MEGF11: variants seen among roughly 807,000 people sequenced by gnomAD.
MEGF11 encodes multiple EGF like domains 11, also known as multiple epidermal growth factor-like domains protein 11.
In MEGF11, 126 loss-of-function variants were observed where a neutral mutation model predicts 146.6. That is an observed-to-expected ratio of 0.86 (90% confidence interval 0.74 to 1.00). The LOEUF is 1.00. MEGF11 is among the 50% of genes least tolerant of loss of function. The probability of loss-of-function intolerance (pLI) is 0.00; values close to 1 mark genes in which losing one functional copy is unlikely to be tolerated. For synonymous variants in MEGF11, 532 were observed against 583.4 expected (o/e 0.91, Z 1.27); for missense variants, 1,509 against 1,521.2 (o/e 0.99, Z 0.13).
At chr15:66,177,611 G>A (rs936242435) in intron 1 of MEGF11, among the ~76,000 whole-genome samples, 4 of 151,072 alleles carry the variant, frequency 2.6e-5, no homozygotes, top group Non-Finnish European at 4.4e-5. Context: ...TGTAAGTATC[G>A]TGAGCTCCAA....
intron 5 of MEGF11, among the ~76,000 whole-genome samples, chr15:66,038,411 A>G (rs952597786): frequency 6.6e-6 from 1 of 152,098 alleles, no homozygotes; most frequent in Non-Finnish European, 1.5e-5. Context: ...TGGTTAAGGG[A>G]GCGATGCCCT....
chr15:65,948,171 TGCTGTGGGTACAGGAA>T (rs1272679525), intron 10 of MEGF11, among the ~76,000 whole-genome samples: 1 of 151,792 alleles, frequency 6.6e-6, no homozygotes, highest in Non-Finnish European at 1.5e-5. Flanking sequence ...AGTACGTGTC[TGCTGTGGGTACAGGAA>T]GCTCATGAGA....
chr15:66,110,538 G>A (rs568804946), intron 4 of MEGF11, among the ~76,000 whole-genome samples: 20 of 152,222 alleles, frequency 1.3e-4, no homozygotes, highest in South Asian at 1.0e-3. Flanking sequence ...CATCTCTCCC[G>A]CTAGACCATG....
intron 4 of MEGF11, among the ~76,000 whole-genome samples, chr15:66,095,572 C>T (rs1267749476): frequency 2.0e-5 from 3 of 152,226 alleles, no homozygotes; most frequent in African/African-American, 7.2e-5. Flanking sequence ...TGGGAAGATG[C>T]TGTTGGGTTA....
chr15:66,053,397 A>G (rs1243524338), intron 5 of MEGF11, among the ~76,000 whole-genome samples: 1 of 152,184 alleles, frequency 6.6e-6, no homozygotes, highest in Non-Finnish European at 1.5e-5. Flanking sequence ...TAGATTTCTC[A>G]TGCTGTTAGT....
chr15:65,967,754 G>C (rs531652652), intron 8 of MEGF11, among the ~76,000 whole-genome samples: 1 of 152,284 alleles, frequency 6.6e-6, no homozygotes, highest in East Asian at 1.9e-4. Context: ...GTCTGGCCTT[G>C]AGTGCTTCCT....
intron 5 of MEGF11, among the ~76,000 whole-genome samples, chr15:65,985,095 G>A (rs2081807107): frequency 6.6e-6 from 1 of 152,182 alleles, no homozygotes; most frequent in South Asian, 2.1e-4. Flanking sequence ...AAAGCTGCCT[G>A]TGTGCCAGGC....
At chr15:66,140,878 G>A (rs1334291912) in intron 1 of MEGF11, among the ~76,000 whole-genome samples, 2 of 152,116 alleles carry the variant, frequency 1.3e-5, no homozygotes, top group African/African-American at 2.4e-5. Flanking sequence ...TGCCATATTC[G>A]GGGACTTGCG....
chr15:66,119,306 C>A, intron 3 of MEGF11, 120 bp from the exon 4 acceptor site: 1 of 686,278 alleles, frequency 1.5e-6, no homozygotes. Flanking sequence ...AAATGCATGG[C>A]GACTTCAAAT....
chr15:66,250,451 A>G (rs1231188511), intron 1 of MEGF11, among the ~76,000 whole-genome samples: 1 of 152,228 alleles, frequency 6.6e-6, no homozygotes, highest in Non-Finnish European at 1.5e-5. Flanking sequence ...CTAGAATGTC[A>G]GCATCACAAG....
At chr15:65,981,303 T>C (rs983153902) in intron 6 of MEGF11, among the ~76,000 whole-genome samples, 2 of 152,182 alleles carry the variant, frequency 1.3e-5, no homozygotes, top group African/African-American at 4.8e-5. Flanking sequence ...ATGGATCCCA[T>C]CTTTAAGAAT....
At chr15:66,067,742 T>A (rs2085194423) in intron 5 of MEGF11, among the ~76,000 whole-genome samples, 1 of 152,198 alleles carries the variant, frequency 6.6e-6, no homozygotes, top group African/African-American at 2.4e-5. Context: ...GATTAATGTC[T>A]CTGTGGCCCT....
intron 5 of MEGF11, among the ~76,000 whole-genome samples, chr15:66,006,538 G>A (rs1295057997): frequency 6.6e-6 from 1 of 152,156 alleles, no homozygotes; most frequent in Non-Finnish European, 1.5e-5. Flanking sequence ...GTGGGCCCAG[G>A]GATTCCAGAC....
chr15:65,995,464 C>A (rs1051476425), intron 5 of MEGF11, among the ~76,000 whole-genome samples: 1 of 152,226 alleles, frequency 6.6e-6, no homozygotes, highest in African/African-American at 2.4e-5. Flanking sequence ...ACAGCAATGT[C>A]AAAATTACCA....
intron 5 of MEGF11, among the ~76,000 whole-genome samples, chr15:66,018,283 C>T (rs34814882): frequency 0.013 from 2,048 of 152,352 alleles, 13 homozygotes; most frequent in Non-Finnish European, 0.018. Context: ...ACAGACCAGC[C>T]AGCCAGTGGC....
At position 65,913,902 on chromosome 15, in the gene MEGF11, C is replaced by G; in HGVS notation, c.2545G>C (p.Val849Leu). Reference sequence around the variant, plus strand: ...AGCATGATGCCTGTGACAGCACCCACCGAGTGCCGCTCTGCACCCAGTGCT... The same window carrying G: ...AGCATGATGCCTGTGACAGCACCCAGCGAGTGCCGCTCTGCACCCAGTGCT... ...SPALGAERHS[V>L]GAVTGIMLLL... The change falls in exon 20 of 26, where the codon GTG becomes CTG. Residue 849 changes from valine to leucine, a missense_variant. Val to Leu is a conservative substitution (Grantham distance 32). Transcript: ENST00000395614. 1.9e-6 allele frequency: 3 copies of G among 1,614,046 alleles called. No individual in the cohort carries two copies. Among genetic ancestry groups the G allele is most frequent in the Admixed American group, 1.7e-5 (1 of 60,028 alleles).
chr15:65,908,988 G>T, intron 23 of MEGF11, 46 bp downstream of exon 23: 3 of 1,249,564 alleles, frequency 2.4e-6, no homozygotes, highest in South Asian at 1.3e-5. Flanking sequence ...GCAGGTGCTG[G>T]GTCTGGTCTG....
chr15:65,939,106 T>A (rs948002270), intron 10 of MEGF11, among the ~76,000 whole-genome samples: 2 of 152,206 alleles, frequency 1.3e-5, no homozygotes, highest in African/African-American at 4.8e-5. Context: ...CCCTTAAATA[T>A]GCTCTGTGGG....
intron 1 of MEGF11, among the ~76,000 whole-genome samples, chr15:66,178,719 C>G (rs951581613): frequency 1.3e-5 from 2 of 152,120 alleles, no homozygotes; most frequent in South Asian, 2.1e-4. Context: ...TTGCCTCACC[C>G]GGGTCCTGGG....
Sources: gnomAD v4.1 joint callset for allele counts (sites outside exome capture counted in the v4.1 genomes callset) on GRCh38, gnomAD v4.1.1 for gene constraint, MANE v1.5 for transcripts, NCBI Gene and HGNC (gene_info 2026-07-23, HGNC 2026-07-21) for gene names.